The following RAB38 variants were observed in gnomAD, a reference collection of about 807,000 sequenced individuals.
The protein encoded by RAB38 is ras-related protein Rab-38.
RAB38 carries 15 observed loss-of-function variants against 18.4 expected under a neutral mutation model. That is an observed-to-expected ratio of 0.82 (90% CI 0.55 to 1.26). RAB38 has a LOEUF of 1.26. Ranked by LOEUF, RAB38 falls within the 50% of genes most tolerant of loss-of-function variation. RAB38 has a pLI of 0.00. For synonymous variants in RAB38, 101 were observed against 104.4 expected (o/e 0.97, Z 0.20); for missense variants, 294 against 267.4 (o/e 1.10, Z -0.69).
At chr11:87,815,222 G>T in the RAB38 span, 3 of 152,196 alleles carry the variant, frequency 2.0e-5, no homozygotes, top group Non-Finnish European at 4.4e-5. Context: ...AGAATATTAT[G>T]CTTTGTTGTT....
At chr11:88,168,728 A>G in intron 1 of RAB38, among the ~76,000 whole-genome samples, 1 of 152,274 alleles carries the variant, frequency 6.6e-6, no homozygotes, top group East Asian at 1.9e-4. Context: ...TGAGCCCTTA[A>G]TGACAGTTTC....
the RAB38 span, among the ~76,000 whole-genome samples, chr11:87,851,954 A>T: frequency 4.9e-4 from 75 of 152,334 alleles, no homozygotes; most frequent in African/African-American, 1.4e-3. Context: ...AGGAAACTTC[A>T]TAAGGAAATG....
chr11:88,154,506 C>A (rs571342731), intron 1 of RAB38, among the ~76,000 whole-genome samples: 63 of 152,282 alleles, frequency 4.1e-4, no homozygotes, highest in African/African-American at 1.4e-3. Context: ...CCAGCCTGCT[C>A]CCCTGAGATT....
At chr11:88,019,905 G>C in the RAB38 span, among the ~76,000 whole-genome samples, 59 of 151,956 alleles carry the variant, frequency 3.9e-4, 1 homozygote, top group African/African-American at 1.4e-3. Flanking sequence ...AAATGTTTGT[G>C]GTCTATCTCC....
the RAB38 span, among the ~76,000 whole-genome samples, chr11:88,102,362 G>A: frequency 5.3e-5 from 8 of 151,982 alleles, no homozygotes; most frequent in Admixed American, 6.6e-5. Context: ...CATTCTCAGT[G>A]AGGCTTCCAC....
At chr11:87,898,464 G>T in the RAB38 span, among the ~76,000 whole-genome samples, 4 of 151,654 alleles carry the variant, frequency 2.6e-5, no homozygotes, top group Admixed American at 2.0e-4. Flanking sequence ...ATTTGCTTTT[G>T]CTTTTTAAAA....
chr11:88,067,983 T>TATA, the RAB38 span, among the ~76,000 whole-genome samples: 1 of 146,766 alleles, frequency 6.8e-6, no homozygotes, highest in African/African-American at 2.5e-5. Flanking sequence ...ATATATATAC[T>TATA]TATATATATA....
At chr11:87,811,452 C>A in the RAB38 span, among the ~76,000 whole-genome samples, 6 of 152,098 alleles carry the variant, frequency 3.9e-5, no homozygotes, top group Non-Finnish European at 4.4e-5. Context: ...ATATAAAATA[C>A]CTACACAATT....
At chr11:88,025,392 T>C in the RAB38 span, among the ~76,000 whole-genome samples, 1 of 152,142 alleles carries the variant, frequency 6.6e-6, no homozygotes, top group Non-Finnish European at 1.5e-5. Context: ...TTTGGGTATA[T>C]ACCGAGTAAC....
the RAB38 span, among the ~76,000 whole-genome samples, chr11:87,892,878 C>T: frequency 6.6e-6 from 1 of 151,654 alleles, no homozygotes; most frequent in Admixed American, 6.6e-5. Context: ...AATTGTTAGA[C>T]TTTATTCATT....
At chr11:87,839,061 A>C in the RAB38 span, among the ~76,000 whole-genome samples, 1 of 152,218 alleles carries the variant, frequency 6.6e-6, no homozygotes, top group African/African-American at 2.4e-5. Context: ...TCCATCGGAC[A>C]CAAGAGAAAT....
At chr11:88,009,291 C>T in the RAB38 span, among the ~76,000 whole-genome samples, 9 of 152,252 alleles carry the variant, frequency 5.9e-5, no homozygotes, top group South Asian at 1.9e-3. Flanking sequence ...AGAGGCACTG[C>T]TATTCAAGCA....
At chr11:88,153,208 T>C (rs1943084569) in intron 1 of RAB38, among the ~76,000 whole-genome samples, 1 of 152,214 alleles carries the variant, frequency 6.6e-6, no homozygotes, top group African/African-American at 2.4e-5. Context: ...TTTTCTTATC[T>C]ATAAAATGAA....
At chr11:88,027,128 G>C in the RAB38 span, among the ~76,000 whole-genome samples, 1 of 152,136 alleles carries the variant, frequency 6.6e-6, no homozygotes, top group Non-Finnish European at 1.5e-5. Context: ...TTACTAGCTT[G>C]AGAAAGTTTC....
the RAB38 span, among the ~76,000 whole-genome samples, chr11:87,976,515 A>C: frequency 0.097 from 15 of 154 alleles, no homozygotes; most frequent in African/African-American, 0.24. Flanking sequence ...TAATATATTT[A>C]TATTTTATAT....
the RAB38 span, among the ~76,000 whole-genome samples, chr11:87,861,401 TC>T: frequency 1.3e-5 from 2 of 151,926 alleles, no homozygotes; most frequent in Non-Finnish European, 2.9e-5. Context: ...AGCATTTTTT[TC>T]AAAGACTTAT....
At chr11:88,043,685 C>T in the RAB38 span, among the ~76,000 whole-genome samples, 1 of 151,710 alleles carries the variant, frequency 6.6e-6, no homozygotes, top group African/African-American at 2.4e-5. Context: ...ATGTCCCCAC[C>T]CCATCTCCCT....
At chr11:87,901,306 A>G in the RAB38 span, among the ~76,000 whole-genome samples, 1 of 151,604 alleles carries the variant, frequency 6.6e-6, no homozygotes, top group Non-Finnish European at 1.5e-5. Flanking sequence ...GGCGTATAAT[A>G]TGATAACAAT....
chr11:88,175,291 G>T lies in RAB38; in HGVS notation c.94C>A (p.Gln32Lys). The change falls in exon 1 of 3, where the codon CAG becomes AAG. Residue 32 changes from glutamine (Q) to lysine (K), a missense_variant. Transcript: ENST00000243662. ...KTSIIKRYVH[Q>K]NFSSHYRATI... ...GCCCGGTAGTGCGAAGAGAAGTTCT[G>T]GTGCACGTAGCGCTTGATGATACTG... 2 of 1,614,204 alleles carry T rather than the reference G, an allele frequency of 1.2e-6. No individual in the cohort carries two copies. The highest frequency in any genetic ancestry group is 1.7e-6 in the Non-Finnish European group (2 of 1,180,026).
Sources: allele counts gnomAD v4.1 joint callset (sites outside exome capture counted in the v4.1 genomes callset), GRCh38; gene constraint gnomAD v4.1.1; transcripts MANE v1.5; gene names NCBI Gene and HGNC (gene_info 2026-07-23, HGNC 2026-07-21).